Variants in DNAH6 observed in about 807,000 individuals in gnomAD.
DNAH6 encodes the protein dynein axonemal heavy chain 6, also known as axonemal beta dynein heavy chain 6.
In DNAH6, 340 loss-of-function variants were observed where a neutral mutation model predicts 491.4. The observed-to-expected ratio is 0.69, with a 90% CI of 0.63 to 0.76. The LOEUF (loss-of-function observed/expected upper bound fraction) is 0.76, where lower values mean the gene tolerates loss of function less well. Among genes scored for constraint, DNAH6 ranks in the 30% least tolerant of loss-of-function variants. DNAH6 has a pLI of 0.00. For missense variants in DNAH6, 4,443 were observed against 4,972.2 expected, an observed-to-expected ratio of 0.89 and a Z score of 3.20; for synonymous variants, 1,603 against 1,686.1, an observed-to-expected ratio of 0.95 and a Z score of 1.21.
At chr2:84,622,612 A>G (rs1338841418) in intron 26 of DNAH6, among the ~76,000 whole-genome samples, 1 of 152,114 alleles carries the variant, frequency 6.6e-6, no homozygotes, top group East Asian at 1.9e-4. Context: ...CATTTTGGCT[A>G]TTGTGAATAA....
intron 61 of DNAH6, among the ~76,000 whole-genome samples, chr2:84,732,455 A>G (rs1473734331): frequency 6.6e-6 from 1 of 152,244 alleles, no homozygotes; most frequent in African/African-American, 2.4e-5. Flanking sequence ...CAACCATAAG[A>G]AAGAATGAAG....
intron 9 of DNAH6, among the ~76,000 whole-genome samples, chr2:84,552,266 A>G (rs1162287640): frequency 1.3e-5 from 2 of 152,176 alleles, no homozygotes; most frequent in Non-Finnish European, 2.9e-5. Flanking sequence ...CCTACTAGCT[A>G]GTATGATCTG....
Position 84,577,369 on chromosome 2 carries a change from AAG to A in DNAH6, c.2041_2042del (p.Glu681LysfsTer31). The A allele has an allele frequency of 6.2e-7, 1 of 1,610,608 alleles. No individual in the cohort carries two copies. Among genetic ancestry groups the A allele is most frequent in the Non-Finnish European group, 8.5e-7 (1 of 1,178,222 alleles). ...TGCTGCTCATTGATACTAGGCTTCTAAGAGAAAAATTAATTCCATCACCTTTG... is the reference window on the plus strand; with the variant it reads ...TGCTGCTCATTGATACTAGGCTTCTAAGAAAAATTAATTCCATCACCTTTG... ...GLLLIDTRLL[R>X]EKLIPSPLRC... On this transcript the variant is annotated frameshift_variant, in exon 13 of 77. Transcript: ENST00000389394. LOFTEE classifies it high-confidence loss of function.
At chr2:84,691,805 A>T (rs1472739229) in intron 45 of DNAH6, among the ~76,000 whole-genome samples, 1 of 152,258 alleles carries the variant, frequency 6.6e-6, no homozygotes, top group Non-Finnish European at 1.5e-5. Context: ...ATTAAAAAAA[A>T]TCTAAAAACC....
chr2:84,617,129 A>G, intron 23 of DNAH6, 147 bp downstream of exon 23: 2 of 545,898 alleles, frequency 3.7e-6, no homozygotes, highest in Non-Finnish European at 6.4e-6. Context: ...AGTTATCGTA[A>G]TTGAGGAGTA....
intron 73 of DNAH6, 38 bp from the exon 74 acceptor site, chr2:84,813,020 C>A (rs1357821477): frequency 6.6e-7 from 1 of 1,512,256 alleles, no homozygotes; most frequent in Non-Finnish European, 9.0e-7. Flanking sequence ...AATTCCATCC[C>A]AGAAATAACG....
At chr2:84,483,346 G>T in the DNAH6 span, among the ~76,000 whole-genome samples, 3 of 152,134 alleles carry the variant, frequency 2.0e-5, no homozygotes, top group South Asian at 2.1e-4. Context: ...TTGACCAGTA[G>T]CTCTCAGGAT....
chr2:84,466,914 C>G, the DNAH6 span, among the ~76,000 whole-genome samples: 1 of 152,182 alleles, frequency 6.6e-6, no homozygotes, highest in Non-Finnish European at 1.5e-5. Flanking sequence ...ATAATGTACA[C>G]TAAGTCATAT....
chr2:84,685,467 T>A lies in DNAH6; in HGVS notation c.7058T>A (p.Met2353Lys). 2 of 1,476,704 alleles carry A rather than the reference T, an allele frequency of 1.4e-6. No individual in the cohort carries two copies. Among genetic ancestry groups the A allele is most frequent in the Non-Finnish European group, 1.8e-6 (2 of 1,107,064 alleles). The allele number at this position is 1,476,704 out of a possible 1,614,324, so 91.5% of individuals were successfully genotyped here. ...TATTTCCATGTTATTCTGACAGAAATGGCCAGTAAATATGAATCTTTACCT... is the reference window on the plus strand; with the variant it reads ...TATTTCCATGTTATTCTGACAGAAAAGGCCAGTAAATATGAATCTTTACCT... ...KHYFHVILTE[M>K]ANKHFGIAID... Residue 2353 changes from methionine to lysine, a missense_variant, in exon 43 of 77, where the codon ATG becomes AAG. Coordinates refer to ENST00000389394, the MANE Select transcript of DNAH6 (RefSeq NM_001370.2).
At chr2:84,645,105 T>A (rs775296089) in intron 33 of DNAH6, among the ~76,000 whole-genome samples, 2 of 151,718 alleles carry the variant, frequency 1.3e-5, no homozygotes, top group Non-Finnish European at 2.9e-5. Context: ...TCAACATCTG[T>A]TTTTTTTCGA....
Position 84,547,626 on chromosome 2 carries a change from A to G in DNAH6, c.1186+14A>G. On this transcript the variant is annotated intron_variant, in intron 7 of 76. Transcript: ENST00000389394. ...GACCTTTTGAGGGTATGAAGGGGAA[A>G]GAACCTCAATATATCAGAAGTGGTG... 1 of 1,551,536 alleles carries G rather than the reference A, an allele frequency of 6.4e-7. No homozygotes were observed. Among genetic ancestry groups the G allele is most frequent in the Middle Eastern group, 1.7e-4 (1 of 5,992 alleles).
chr2:84,641,817 C>T (rs754552857), intron 32 of DNAH6, 130 bp from the exon 33 acceptor site: 10 of 686,066 alleles, frequency 1.5e-5, no homozygotes, highest in African/African-American at 3.6e-5. Context: ...GCTGAACACA[C>T]GAGGGAAAAT....
At chr2:84,771,694 AGGG>A (rs1675637460) in intron 64 of DNAH6, among the ~76,000 whole-genome samples, 1 of 152,216 alleles carries the variant, frequency 6.6e-6, no homozygotes, top group Non-Finnish European at 1.5e-5. Flanking sequence ...TGGGGGAAAG[AGGG>A]ACTGTTAACC....
intron 18 of DNAH6, among the ~76,000 whole-genome samples, chr2:84,596,787 T>C (rs1684630814): frequency 6.6e-6 from 1 of 152,202 alleles, no homozygotes; most frequent in Non-Finnish European, 1.5e-5. Context: ...GCTTACAATA[T>C]CTAGTCAAAA....
At position 84,693,437 on chromosome 2, in the gene DNAH6, T is replaced by C. The variant is rs190210513; in HGVS notation, c.7293-812T>C. ...AGTGCTCTCTCTCTAGTATCATCATTGTAGGGCTTTTCAAAATTCCTGTTG... is the reference window on the plus strand; with the variant it reads ...AGTGCTCTCTCTCTAGTATCATCATCGTAGGGCTTTTCAAAATTCCTGTTG... On this transcript the variant is annotated intron_variant, in intron 45 of 76. Coordinates refer to ENST00000389394, the MANE Select transcript of DNAH6 (RefSeq NM_001370.2). Among the ~76,000 whole-genome samples the C allele has an allele frequency of 6.6e-5, 10 of 152,200 alleles. No individual in the cohort carries two copies. In the East Asian group the frequency reaches 1.9e-3, roughly 29 times the overall value.
intron 64 of DNAH6, among the ~76,000 whole-genome samples, chr2:84,763,205 ATTTG>A (rs1444076553): frequency 2.0e-5 from 3 of 152,172 alleles, no homozygotes; most frequent in Admixed American, 6.5e-5. Context: ...AATTATTGAA[ATTTG>A]TTTGGTATTT....
At chr2:84,819,075 G>GA (rs1553509929) in intron 76 of DNAH6, among the ~76,000 whole-genome samples, 5 of 145,934 alleles carry the variant, frequency 3.4e-5, no homozygotes, top group African/African-American at 7.9e-5. Context: ...ACCCTGTCTC[G>GA]AAAAAAAAAA....
chr2:84,617,346 TACAA>T (rs1269802924), intron 23 of DNAH6, among the ~76,000 whole-genome samples: 1 of 152,104 alleles, frequency 6.6e-6, no homozygotes, highest in African/African-American at 2.4e-5. Context: ...TCCTTTGTGT[TACAA>T]ACAATCCAGT....
At chr2:84,675,856 C>T (rs1693190351) in intron 40 of DNAH6, among the ~76,000 whole-genome samples, 1 of 152,030 alleles carries the variant, frequency 6.6e-6, no homozygotes, top group Admixed American at 6.6e-5. Context: ...GACTGGGTTT[C>T]GTCGTGTTGC....
Sources: allele counts gnomAD v4.1 joint callset (sites outside exome capture counted in the v4.1 genomes callset), GRCh38; gene constraint gnomAD v4.1.1; transcripts MANE v1.5; gene names NCBI Gene and HGNC (gene_info 2026-07-23, HGNC 2026-07-21).